Variants in DIAPH2 observed in about 807,000 individuals in gnomAD.
DIAPH2 encodes diaphanous related formin 2, also known as protein diaphanous homolog 2.
Under a neutral mutation model 92.7 loss-of-function variants are expected in DIAPH2, and 35 were observed. The observed-to-expected ratio is 0.38, with a 90% CI of 0.29 to 0.50. DIAPH2 has a LOEUF of 0.50. Ranked by LOEUF, DIAPH2 falls within the 20% of genes least tolerant of loss-of-function variation. The pLI, the probability that DIAPH2 is intolerant of heterozygous loss-of-function variation, is 0.94. For synonymous variants in DIAPH2, 301 were observed against 280.4 expected, an observed-to-expected ratio of 1.07 and a Z score of -0.73; for missense variants, 701 against 819.5, an observed-to-expected ratio of 0.86 and a Z score of 1.77.
intron 26 of DIAPH2, among the ~76,000 whole-genome samples, chrX:97,490,364 A>AT (rs993693891): frequency 6.3e-5 from 6 of 94,578 alleles, no homozygotes; most frequent in African/African-American, 1.2e-4. Flanking sequence ...TGTTTCACTG[A>AT]TTTTTTTTCT....
chrX:97,144,009 G>T (rs2147412809), intron 22 of DIAPH2, among the ~76,000 whole-genome samples: 1 of 111,513 alleles, frequency 9.0e-6, no homozygotes, highest in East Asian at 2.8e-4. Context: ...AGGGTAGGGG[G>T]ATGAAGAGTG....
At chrX:97,371,094 G>T (rs1264853947) in intron 24 of DIAPH2, among the ~76,000 whole-genome samples, 2 of 111,428 alleles carry the variant, frequency 1.8e-5, no homozygotes, top group African/African-American at 6.5e-5. Flanking sequence ...TTCTTTTTTG[G>T]GGAGGCAGGT....
chrX:97,104,660 T>C (rs1369888727), intron 20 of DIAPH2, among the ~76,000 whole-genome samples: 2 of 111,211 alleles, frequency 1.8e-5, no homozygotes, highest in East Asian at 5.6e-4. Context: ...GGATTATAGG[T>C]GTGTGCCACC....
At chrX:97,290,925 A>C (rs1307991317) in intron 23 of DIAPH2, among the ~76,000 whole-genome samples, 1 of 108,914 alleles carries the variant, frequency 9.2e-6, no homozygotes, top group East Asian at 2.9e-4. Context: ...AATACAAAAA[A>C]AGAAAAAAAT....
intron 21 of DIAPH2, among the ~76,000 whole-genome samples, chrX:97,137,846 T>C (rs752354683): frequency 8.9e-6 from 1 of 111,936 alleles, no homozygotes; most frequent in Non-Finnish European, 1.9e-5. Flanking sequence ...CAATGGATCT[T>C]TTGAATGGAC....
At chrX:97,312,872 C>G (rs1042440433) in intron 23 of DIAPH2, among the ~76,000 whole-genome samples, 1 of 110,491 alleles carries the variant, frequency 9.1e-6, no homozygotes, top group South Asian at 3.9e-4. Context: ...TTTAGTTTAC[C>G]GAAGTCTAAA....
chrX:97,128,973 A>G (rs2067111860), intron 21 of DIAPH2, among the ~76,000 whole-genome samples: 1 of 111,069 alleles, frequency 9.0e-6, no homozygotes, highest in African/African-American at 3.3e-5. Flanking sequence ...ATCATCATTT[A>G]TGTATAAGAC....
intron 26 of DIAPH2, among the ~76,000 whole-genome samples, chrX:97,483,782 C>G (rs750837890): frequency 3.9e-4 from 43 of 111,665 alleles, no homozygotes; most frequent in Non-Finnish European, 6.8e-4. Flanking sequence ...TCAATACCGT[C>G]CCATCACAAT....
intron 4 of DIAPH2, among the ~76,000 whole-genome samples, chrX:96,841,467 C>A (rs1410886412): frequency 9.0e-6 from 1 of 111,520 alleles, no homozygotes; most frequent in Non-Finnish European, 1.9e-5. Flanking sequence ...ATTTTTAGGC[C>A]ACGACTTTTA....
chrX:96,712,475 CACCCTGTGGCA>C (rs1392987146), intron 1 of DIAPH2, among the ~76,000 whole-genome samples: 9 of 110,979 alleles, frequency 8.1e-5, no homozygotes, highest in African/African-American at 2.9e-4. Context: ...TAATGTTGCT[CACCCTGTGGCA>C]ACCCTGTTAA....
chrX:96,904,948 C>T (rs2065423216), intron 5 of DIAPH2, among the ~76,000 whole-genome samples: 1 of 111,540 alleles, frequency 9.0e-6, no homozygotes, highest in African/African-American at 3.3e-5. Flanking sequence ...AACTATCATT[C>T]ATTTTATTTG....
At chrX:97,429,018 C>T (rs956762731) in intron 25 of DIAPH2, among the ~76,000 whole-genome samples, 1 of 112,001 alleles carries the variant, frequency 8.9e-6, no homozygotes, top group Non-Finnish European at 1.9e-5. Flanking sequence ...TTTAGACACA[C>T]AGCAGCATTC....
At chrX:96,719,348 T>C (rs1207008290) in intron 1 of DIAPH2, among the ~76,000 whole-genome samples, 1 of 112,228 alleles carries the variant, frequency 8.9e-6, no homozygotes, top group Non-Finnish European at 1.9e-5. Flanking sequence ...ATTATGCAAG[T>C]AATCTTTGCC....
rs868475337 is a variant in DIAPH2, at chrX:96,800,415, G to A, written c.447+42157G>A. ...GTTGTCTCTGTAGATGGTTAGAAAAGCATACTTCATCAGAACGATGGGTTA... is the reference window on the plus strand; with the variant it reads ...GTTGTCTCTGTAGATGGTTAGAAAAACATACTTCATCAGAACGATGGGTTA... On this transcript the variant is annotated intron_variant, in intron 4 of 26. Transcript: ENST00000324765. Among the ~76,000 whole-genome samples the A allele has an allele frequency of 2.7e-5, 3 of 111,717 alleles. No individual in the cohort carries two copies. The South Asian group carries it at 1.1e-3, about 42-fold the overall frequency.
intron 4 of DIAPH2, among the ~76,000 whole-genome samples, chrX:96,794,521 C>CAA (rs57508608): frequency 8.6e-5 from 7 of 81,347 alleles, no homozygotes; most frequent in Admixed American, 1.4e-4. Flanking sequence ...ATTAAATTGC[C>CAA]AAAAAAAAAA....
At chrX:97,013,959 A>T (rs2066244073) in intron 17 of DIAPH2, among the ~76,000 whole-genome samples, 1 of 112,449 alleles carries the variant, frequency 8.9e-6, no homozygotes, top group Non-Finnish European at 1.9e-5. Flanking sequence ...TGACTGGCTG[A>T]TAAGCCTAGG....
chrX:97,228,084 A>G (rs904564499), intron 22 of DIAPH2, among the ~76,000 whole-genome samples: 5 of 110,807 alleles, frequency 4.5e-5, no homozygotes, highest in Admixed American at 2.9e-4. Flanking sequence ...AATTTTTCAT[A>G]GAGCCGAGCT....
intron 14 of DIAPH2, among the ~76,000 whole-genome samples, chrX:96,947,846 A>G (rs2065747818): frequency 8.9e-6 from 1 of 112,187 alleles, no homozygotes; most frequent in Non-Finnish European, 1.9e-5. Flanking sequence ...AAGGGCAAAT[A>G]AAATGTTCTA....
chrX:97,460,926 G>A (rs889035767), intron 26 of DIAPH2, among the ~76,000 whole-genome samples: 5 of 112,222 alleles, frequency 4.5e-5, no homozygotes, highest in Admixed American at 3.8e-4. Flanking sequence ...GTATGACCTC[G>A]AATAGTTCGC....
Sources: gnomAD v4.1 joint callset for allele counts (sites outside exome capture counted in the v4.1 genomes callset) on GRCh38, gnomAD v4.1.1 for gene constraint, MANE v1.5 for transcripts, NCBI Gene and HGNC (gene_info 2026-07-23, HGNC 2026-07-21) for gene names.